The following SERF2 variants were observed in gnomAD, a reference collection of about 807,000 sequenced individuals.
SERF2 encodes small EDRK-rich factor 2.
SERF2 carries 4 observed loss-of-function variants against 10.7 expected under a neutral mutation model. The ratio of observed to expected loss-of-function variants is 0.37; its 90% CI spans 0.18 to 0.86. The LOEUF is 0.86. Ranked by LOEUF, SERF2 falls within the 40% of genes least tolerant of loss-of-function variation. SERF2 has a pLI of 0.43. For missense variants in SERF2, 47 were observed against 79.1 expected, an observed-to-expected ratio of 0.59 and a Z score of 1.54; for synonymous variants, 26 against 26.0, an observed-to-expected ratio of 1.00 and a Z score of 0.01.
chr15:43,782,580 C>T (rs2086972823), intron 1 of SERF2, among the ~76,000 whole-genome samples: 1 of 152,168 alleles, frequency 6.6e-6, no homozygotes, highest in South Asian at 2.1e-4. Context: ...GCCCTCCATA[C>T]TCCTGCTCCA....
rs919669117 is a variant in SERF2, at chr15:43,795,081, G to A, written c.*1308G>A. On this transcript the variant is annotated 3_prime_UTR_variant, in exon 3 of 3. Coordinates refer to ENST00000249786, the MANE Select transcript of SERF2 (RefSeq NM_001018108.4). ...AGATAAGGGGCTGGGGTTTCTGGGT[G>A]GGGGGCCAACAGAGTGGTGCCAGTA... 6.2e-7 allele frequency: 1 copy of A among 1,613,502 alleles called. No homozygotes were observed. The highest frequency in any genetic ancestry group is 1.3e-5 in the African/African-American group (1 of 74,894).
chr15:43,792,995 G>T lies in SERF2; in HGVS notation c.28G>T (p.Ala10Ser). MTRGNQREL[A>S]RQKNMKKQSD... is the part of the protein sequence containing the mutation. ...CTTAGGCGGTAACCAGCGTGAGCTC[G>T]CCCGCCAGAAGAATATGAAAAAGCA... The change falls in exon 2 of 3, where the codon GCC becomes TCC. Residue 10 changes from alanine (A) to serine (S), a missense_variant. Transcript: ENST00000249786. 2 of 1,607,622 alleles carry T rather than the reference G, an allele frequency of 1.2e-6. No homozygotes were observed. Among genetic ancestry groups the T allele is most frequent in the Non-Finnish European group, 1.7e-6 (2 of 1,176,218 alleles).
chr15:43,781,662 G>A (rs1567163795), intron 1 of SERF2, among the ~76,000 whole-genome samples: 1 of 150,004 alleles, frequency 6.7e-6, no homozygotes, highest in Admixed American at 6.7e-5. Flanking sequence ...TACAATCCCG[G>A]CTCACTGAAA....
upstream of SERF2, chr15:43,792,066 C>T (rs1424783095): frequency 3.9e-6 from 2 of 511,954 alleles, no homozygotes; most frequent in Non-Finnish European, 7.1e-6. Flanking sequence ...CATCGCCAGC[C>T]GCACCCCTCC....
intron 1 of SERF2, among the ~76,000 whole-genome samples, chr15:43,780,566 C>G (rs1208891885): frequency 6.6e-6 from 1 of 152,134 alleles, no homozygotes; most frequent in South Asian, 2.1e-4. Context: ...TAACAATTCC[C>G]GATTTCCCCC....
chr15:43,793,251 T>G, intron 2 of SERF2, 168 bp downstream of exon 2: 1 of 595,372 alleles, frequency 1.7e-6, no homozygotes, highest in South Asian at 2.2e-5. Flanking sequence ...AATTGTTAGC[T>G]CACAGCCTTA....
Position 43,794,906 on chromosome 15 carries a change from G to A in SERF2, c.*1133G>A. ...TCAGCCCAAACGGAGATAACTCCCT[G>A]TGTGTCCTTGAGGTATTGAGCTGGG... On this transcript the variant is annotated 3_prime_UTR_variant, in exon 3 of 3. Coordinates refer to ENST00000249786, the MANE Select transcript of SERF2 (RefSeq NM_001018108.4). The A allele has an allele frequency of 1.1e-6, 1 of 930,914 alleles. No individual in the cohort carries two copies. The highest frequency in any genetic ancestry group is 1.6e-6 in the Non-Finnish European group (1 of 609,060). 57.7% of individuals were successfully genotyped at this position (930,914 alleles called of 1,614,324 possible). A position where few individuals can be genotyped will look rare whatever the true frequency, so the allele number is the denominator to read the frequency against.
Position 43,795,755 on chromosome 15 carries a change from GT to G in SERF2, c.*1986del. 1 of 1,612,628 alleles carries G rather than the reference GT, an allele frequency of 6.2e-7. No individual in the cohort carries two copies. On this transcript the variant is annotated 3_prime_UTR_variant, in exon 3 of 3. Coordinates refer to ENST00000249786, the MANE Select transcript of SERF2 (RefSeq NM_001018108.4). Reference sequence around the variant, plus strand: ...AGGGCTTCTGCAAAACAGAACGCAGGTTTTGGAATGGTCTTAAAAGATGTGA... The same window carrying G: ...AGGGCTTCTGCAAAACAGAACGCAGGTTTGGAATGGTCTTAAAAGATGTGA...
intron 2 of SERF2, chr15:43,793,508 C>G: frequency 6.9e-7 from 1 of 1,448,672 alleles, no homozygotes; most frequent in Non-Finnish European, 9.1e-7. Context: ...CTTCTGACCC[C>G]TTGGGCAACA....
chr15:43,790,269 C>A (rs750421339), upstream of SERF2, among the ~76,000 whole-genome samples: 1 of 151,574 alleles, frequency 6.6e-6, no homozygotes, highest in Non-Finnish European at 1.5e-5. Context: ...GAGAGCATAC[C>A]ACTCCAGCCT....
chr15:43,787,004 G>GT (rs71111826), intron 2 of SERF2, among the ~76,000 whole-genome samples: 22 of 125,978 alleles, frequency 1.7e-4, no homozygotes, highest in East Asian at 2.3e-4. Flanking sequence ...TCGTTTTTTT[G>GT]TTTTTTTTTT....
At chr15:43,779,004 C>T (rs536685477) in intron 1 of SERF2, among the ~76,000 whole-genome samples, 2 of 152,232 alleles carry the variant, frequency 1.3e-5, no homozygotes, top group Admixed American at 6.5e-5. Flanking sequence ...ATAGCATGTT[C>T]CATGTTGACG....
At chr15:43,782,814 C>T (rs1445692186) in intron 1 of SERF2, among the ~76,000 whole-genome samples, 4 of 151,832 alleles carry the variant, frequency 2.6e-5, no homozygotes, top group African/African-American at 9.7e-5. Context: ...TCCTTTGAGA[C>T]TTTGCATACC....
chr15:43,793,257 C>T (rs2087114390), intron 2 of SERF2, 174 bp downstream of exon 2: 1 of 591,546 alleles, frequency 1.7e-6, no homozygotes, highest in Non-Finnish European at 3.0e-6. Flanking sequence ...TAGCTCACAG[C>T]CTTACAGGAA....
At chr15:43,786,359 G>C (rs914008914) in intron 2 of SERF2, among the ~76,000 whole-genome samples, 3 of 147,946 alleles carry the variant, frequency 2.0e-5, no homozygotes, top group Admixed American at 6.8e-5. Context: ...AGCTTGCAGT[G>C]AGCCGAGATT....
intron 1 of SERF2, among the ~76,000 whole-genome samples, chr15:43,782,608 T>C (rs1392718074): frequency 6.6e-6 from 1 of 152,202 alleles, no homozygotes. Flanking sequence ...ATGATTGTTC[T>C]CTAGGTCGGC....
chr15:43,787,199 C>T (rs2087014969), intron 2 of SERF2, among the ~76,000 whole-genome samples: 1 of 151,944 alleles, frequency 6.6e-6, no homozygotes, highest in African/African-American at 2.4e-5. Context: ...CGGGGTTTCA[C>T]CGTGTTAGCC....
chr15:43,789,845 T>C (rs1555457629), upstream of SERF2, among the ~76,000 whole-genome samples: 1 of 149,826 alleles, frequency 6.7e-6, no homozygotes, highest in Non-Finnish European at 1.5e-5. Flanking sequence ...CTGTCTCTAC[T>C]AAAAAAAAAT....
chr15:43,792,948 G>A (rs1278069775), intron 1 of SERF2, 27 bp from the exon 2 acceptor site: 1 of 1,537,436 alleles, frequency 6.5e-7, no homozygotes, highest in Non-Finnish European at 8.9e-7. Flanking sequence ...CGGCCCCCGC[G>A]TCTCACCTTT....
Sources: gnomAD v4.1 joint callset for allele counts (sites outside exome capture counted in the v4.1 genomes callset) on GRCh38, gnomAD v4.1.1 for gene constraint, MANE v1.5 for transcripts, NCBI Gene and HGNC (gene_info 2026-07-23, HGNC 2026-07-21) for gene names.